The following SORCS3 variants were observed in gnomAD, a reference collection of about 807,000 sequenced individuals.
The protein encoded by SORCS3 is sortilin related VPS10 domain containing receptor 3.
In SORCS3, 57 loss-of-function variants were observed where a neutral mutation model predicts 146.3. The observed-to-expected ratio is 0.39, with a 90% CI of 0.31 to 0.49. The LOEUF (loss-of-function observed/expected upper bound fraction) is 0.49. Ranked by LOEUF, SORCS3 falls within the 20% of genes least tolerant of loss-of-function variation. SORCS3 has a pLI of 0.92. For missense variants in SORCS3, 1,341 were observed against 1,575.5 expected, an observed-to-expected ratio of 0.85 and a Z score of 2.52; for synonymous variants, 653 against 618.5, an observed-to-expected ratio of 1.06 and a Z score of -0.83.
At chr10:104,651,536 A>AG (rs1485953626) in intron 1 of SORCS3, among the ~76,000 whole-genome samples, 1 of 143,004 alleles carries the variant, frequency 7.0e-6, no homozygotes, top group Non-Finnish European at 1.5e-5. Context: ...GCTCTACTAA[A>AG]AAAAAAAAAA....
intron 4 of SORCS3, among the ~76,000 whole-genome samples, chr10:105,034,998 A>G (rs1337769062): frequency 6.6e-6 from 1 of 152,204 alleles, no homozygotes; most frequent in Non-Finnish European, 1.5e-5. Flanking sequence ...AGACAATTAA[A>G]TGAGTCAACC....
intron 14 of SORCS3, among the ~76,000 whole-genome samples, chr10:105,187,234 AT>A (rs753744638): frequency 6.6e-6 from 1 of 151,558 alleles, no homozygotes; most frequent in African/African-American, 2.4e-5. Context: ...CCCCATATTT[AT>A]TTTCAAGCCT....
chr10:104,791,132 G>T (rs945966683), intron 1 of SORCS3, among the ~76,000 whole-genome samples: 1 of 152,174 alleles, frequency 6.6e-6, no homozygotes, highest in African/African-American at 2.4e-5. Context: ...GCTAAAGAAA[G>T]AACGTGAAAG....
intron 8 of SORCS3, among the ~76,000 whole-genome samples, chr10:105,141,556 G>A (rs1432136379): frequency 6.6e-6 from 1 of 152,248 alleles, no homozygotes; most frequent in Middle Eastern, 3.4e-3. Context: ...CATTGCCCTC[G>A]CACCTCTGCT....
chr10:104,997,803 G>T (rs531891698), intron 4 of SORCS3, among the ~76,000 whole-genome samples: 1 of 152,250 alleles, frequency 6.6e-6, no homozygotes, highest in Admixed American at 6.6e-5. Flanking sequence ...CTGAGGACTT[G>T]ATGGATTTAA....
intron 9 of SORCS3, among the ~76,000 whole-genome samples, chr10:105,148,313 A>T (rs1212973469): frequency 6.6e-6 from 1 of 152,154 alleles, no homozygotes; most frequent in Admixed American, 6.5e-5. Flanking sequence ...AGGGTAAAAA[A>T]CTGGCCTTGA....
intron 4 of SORCS3, among the ~76,000 whole-genome samples, chr10:104,984,469 A>G (rs57582803): frequency 0.059 from 8,921 of 152,270 alleles, 282 homozygotes; most frequent in Middle Eastern, 0.088. Flanking sequence ...ATCAGAAAAC[A>G]TACACATATT....
intron 1 of SORCS3, among the ~76,000 whole-genome samples, chr10:104,841,434 A>T (rs2018138364): frequency 6.6e-6 from 1 of 151,878 alleles, no homozygotes; most frequent in African/African-American, 2.4e-5. Context: ...CATGCCATTG[A>T]TGATGTTTCT....
At position 105,008,146 on chromosome 10, in the gene SORCS3, CT is replaced by C. The variant is rs1301500141; in HGVS notation, c.954+30656del. 5.3e-5 allele frequency among the ~76,000 whole-genome samples: 8 copies of C among 152,162 alleles called. No homozygotes were observed. The East Asian group carries it at 1.4e-3, about 26-fold the overall frequency. On this transcript the variant is annotated intron_variant, in intron 4 of 26. Coordinates refer to ENST00000369701, the MANE Select transcript of SORCS3 (RefSeq NM_014978.3). ...GATCTCTACCAAGCTGCCTTAGGTC[CT>C]TTACAGTTGCTGCAGACATATCTCC...
At chr10:104,701,618 C>T (rs543762378) in intron 1 of SORCS3, among the ~76,000 whole-genome samples, 2 of 152,236 alleles carry the variant, frequency 1.3e-5, no homozygotes, top group South Asian at 2.1e-4. Flanking sequence ...TCAATGTGTG[C>T]ATTTCTCTGA....
intron 20 of SORCS3, among the ~76,000 whole-genome samples, chr10:105,238,751 A>G (rs563842225): frequency 6.6e-6 from 1 of 152,182 alleles, no homozygotes; most frequent in Non-Finnish European, 1.5e-5. Context: ...GAGTTTTTAG[A>G]TGTATTTAAG....
intron 2 of SORCS3, among the ~76,000 whole-genome samples, chr10:104,909,837 C>A (rs2018948070): frequency 6.6e-6 from 1 of 151,574 alleles, no homozygotes; most frequent in Non-Finnish European, 1.5e-5. Flanking sequence ...TGCCACCAGC[C>A]TCTCCCCGAG....
chr10:104,867,301 A>G (rs941316091), intron 2 of SORCS3, among the ~76,000 whole-genome samples: 6 of 149,902 alleles, frequency 4.0e-5, no homozygotes, highest in Admixed American at 4.0e-4. Context: ...TGAAATTCCC[A>G]GTGTACAATT....
intron 3 of SORCS3, among the ~76,000 whole-genome samples, chr10:104,973,686 T>G (rs886469810): frequency 1.3e-5 from 2 of 151,232 alleles, no homozygotes; most frequent in Non-Finnish European, 2.9e-5. Context: ...TTTTCCTGTC[T>G]CTGTTTCCTT....
intron 1 of SORCS3, among the ~76,000 whole-genome samples, chr10:104,712,812 A>G (rs2016433892): frequency 6.6e-6 from 1 of 152,208 alleles, no homozygotes; most frequent in Non-Finnish European, 1.5e-5. Context: ...AATTCAGTCA[A>G]GGAAAATTAA....
chr10:104,743,292 T>C (rs1004325364), intron 1 of SORCS3, among the ~76,000 whole-genome samples: 6 of 152,216 alleles, frequency 3.9e-5, no homozygotes, highest in Non-Finnish European at 8.8e-5. Context: ...GGACTATCTC[T>C]GCCATAGCGG....
At chr10:105,214,648 C>T in intron 18 of SORCS3, 35 bp downstream of exon 18, 1 of 1,505,900 alleles carries the variant, frequency 6.6e-7, no homozygotes, top group Non-Finnish European at 8.9e-7. Flanking sequence ...GGTCAGAACT[C>T]CCAACCAGAC....
At chr10:104,723,811 T>TG (rs1564668116) in intron 1 of SORCS3, among the ~76,000 whole-genome samples, 1 of 152,208 alleles carries the variant, frequency 6.6e-6, no homozygotes, top group East Asian at 1.9e-4. Context: ...TGCCTTTTTT[T>TG]GTTTTCCATT....
chr10:105,261,070 T>C (rs1019306738), intron 25 of SORCS3, among the ~76,000 whole-genome samples: 1 of 152,194 alleles, frequency 6.6e-6, no homozygotes, highest in Non-Finnish European at 1.5e-5. Context: ...CTAAGTCGTG[T>C]GGATAGCAGA....
Sources: allele counts gnomAD v4.1 joint callset (sites outside exome capture counted in the v4.1 genomes callset), GRCh38; gene constraint gnomAD v4.1.1; transcripts MANE v1.5; gene names NCBI Gene and HGNC (gene_info 2026-07-23, HGNC 2026-07-21).